SORL1: variants seen among roughly 807,000 people sequenced by gnomAD.
SORL1 encodes the protein sortilin related receptor 1.
In SORL1, 127 loss-of-function variants were observed where a neutral mutation model predicts 273.7. That is an observed-to-expected ratio of 0.46 (90% CI 0.40 to 0.54). SORL1 has a LOEUF of 0.54. Among genes scored for constraint, SORL1 ranks in the 20% least tolerant of loss-of-function variants. The pLI, the probability that SORL1 is intolerant of heterozygous loss-of-function variation, is 0.00. For synonymous variants in SORL1, 1,031 were observed against 1,067.4 expected (o/e 0.97, Z 0.66); for missense variants, 2,494 against 2,846.1 (o/e 0.88, Z 2.81).
intron 23 of SORL1, 58 bp from the exon 24 acceptor site, chr11:121,574,183 A>G: frequency 6.4e-7 from 1 of 1,562,976 alleles, no homozygotes; most frequent in Non-Finnish European, 8.8e-7. Context: ...TAGGATGTTT[A>G]CATTTGTGGG....
Position 121,606,622 on chromosome 11 carries a change from A to G in SORL1, c.4949-223A>G, listed in dbSNP as rs184610298. On this transcript the variant is annotated intron_variant, in intron 35 of 47. Transcript: ENST00000260197. Reference sequence around the variant, plus strand: ...CCCTTATGAGCCACAAATTTACCACACACTCAACTGAGCCATGATGTGATG... The same window carrying G: ...CCCTTATGAGCCACAAATTTACCACGCACTCAACTGAGCCATGATGTGATG... Among the ~76,000 whole-genome samples, 543 of 152,270 alleles carry G rather than the reference A, an allele frequency of 3.6e-3. 2 individuals carry two copies. The highest frequency in any genetic ancestry group is 4.0e-3 in the Non-Finnish European group (272 of 68,026).
At position 121,545,344 on chromosome 11, in the gene SORL1, C is replaced by T. The variant is rs1403783913; in HGVS notation, c.1966C>T (p.Pro656Ser). ...GHKTVFKRRT[P>S]HATCFNGEDF... ...CAAGACTGTTTTCAAACGGCGGACCCCCCATGCCACATGCTTCAATGGAGA... is the reference window on the plus strand; with the variant it reads ...CAAGACTGTTTTCAAACGGCGGACCTCCCATGCCACATGCTTCAATGGAGA... The change falls in exon 14 of 48, where the codon CCC becomes TCC. Residue 656 changes from proline to serine, a missense_variant. Physicochemically the swap from Pro to Ser is moderately conservative, Grantham distance 74. Coordinates refer to ENST00000260197, the MANE Select transcript of SORL1 (RefSeq NM_003105.6). 2 of 1,614,066 alleles carry T rather than the reference C, an allele frequency of 1.2e-6. No individual in the cohort carries two copies. Among genetic ancestry groups the T allele is most frequent in the African/African-American group, 2.7e-5 (2 of 74,928 alleles).
At chr11:121,622,326 A>G in intron 45 of SORL1, 58 bp downstream of exon 45, 1 of 963,934 alleles carries the variant, frequency 1.0e-6, no homozygotes, top group South Asian at 1.3e-5. Flanking sequence ...GCTGTTTCAG[A>G]GATGAGCTTG....
chr11:121,633,271 A>G lies in SORL1; in HGVS notation c.*3708A>G, dbSNP rs1863899137. The G allele has an allele frequency of 6.6e-6, 1 of 152,206 alleles. No individual in the cohort carries two copies. The highest frequency in any genetic ancestry group is 6.5e-5 in the Admixed American group (1 of 15,274). The allele number at this position is 152,206 out of a possible 1,614,324, so 9.4% of individuals were successfully genotyped here. ...CCCACTAATTTTGAGCAGCCATATT[A>G]TGAATTAAATCGTCACAGCCAAGTA... On this transcript the variant is annotated 3_prime_UTR_variant, in exon 48 of 48. Transcript: ENST00000260197.
chr11:121,514,928 A>G (rs1861929719), intron 8 of SORL1, among the ~76,000 whole-genome samples: 5 of 152,172 alleles, frequency 3.3e-5, no homozygotes, highest in Admixed American at 3.3e-4. Context: ...AGATCCGTTC[A>G]GGGCCATTTA....
chr11:121,563,198 G>A lies in SORL1; in HGVS notation c.3049+3541G>A, dbSNP rs969536887. On this transcript the variant is annotated intron_variant, in intron 21 of 47. Coordinates refer to ENST00000260197, the MANE Select transcript of SORL1 (RefSeq NM_003105.6). The surrounding 1 kb of genome is among the most constrained non-coding windows in gnomAD (Gnocchi z 4.2). Reference sequence around the variant, plus strand: ...CTGTGGCCCGTTGACTTCAAAGCCTGAACTTCGATAAAACCACCCGGCTCT... The same window carrying A: ...CTGTGGCCCGTTGACTTCAAAGCCTAAACTTCGATAAAACCACCCGGCTCT... Among the ~76,000 whole-genome samples the A allele has an allele frequency of 6.6e-6, 1 of 152,188 alleles. No individual in the cohort carries two copies. Among genetic ancestry groups the A allele is most frequent in the East Asian group, 1.9e-4 (1 of 5,194 alleles).
intron 3 of SORL1, among the ~76,000 whole-genome samples, chr11:121,485,063 G>T (rs569073450): frequency 6.6e-6 from 1 of 152,298 alleles, no homozygotes; most frequent in Admixed American, 6.5e-5. Context: ...CCCCATGCTT[G>T]TTCTTAAGGG....
Position 121,586,316 on chromosome 11 carries a change from T to A in SORL1, c.3801T>A (p.Asp1267Glu), listed in dbSNP as rs372116149. ...DGLRDCSDGS[D>E]EQHCEPLCTH... ...TGCGTGATTGCTCTGATGGCTCCGA[T>A]GAACAGCACTGCGGTGAGTTCATTC... The change falls in exon 27 of 48, where the codon GAT (aspartate) becomes GAA (glutamate). Residue 1267 changes from aspartate to glutamate, a missense_variant. Physicochemically the swap from Asp to Glu is conservative, Grantham distance 45 (BLOSUM62 2). Coordinates refer to ENST00000260197, the MANE Select transcript of SORL1 (RefSeq NM_003105.6). 2 of 1,613,550 alleles carry A rather than the reference T, an allele frequency of 1.2e-6. No homozygotes were observed. The highest frequency in any genetic ancestry group is 8.5e-7 in the Non-Finnish European group (1 of 1,179,534).
At chr11:121,572,579 G>A (rs1862859913) in intron 23 of SORL1, among the ~76,000 whole-genome samples, 2 of 152,324 alleles carry the variant, frequency 1.3e-5, no homozygotes, top group African/African-American at 4.8e-5. Context: ...TCATCAAGGA[G>A]GTTGCGTGTG....
At chr11:121,462,351 A>G (rs1179832073) in intron 1 of SORL1, among the ~76,000 whole-genome samples, 1 of 152,004 alleles carries the variant, frequency 6.6e-6, no homozygotes, top group Non-Finnish European at 1.5e-5. Context: ...GTCTGGGTCC[A>G]TGTTCTCTGC....
chr11:121,599,158 T>C (rs575798920), intron 32 of SORL1, among the ~76,000 whole-genome samples: 1 of 152,376 alleles, frequency 6.6e-6, no homozygotes, highest in Non-Finnish European at 1.5e-5. Flanking sequence ...CCACTTGTTA[T>C]CTGGAACCCA....
At position 121,566,934 on chromosome 11, in the gene SORL1, C is replaced by G; in HGVS notation, c.3050-6C>G. 6.2e-7 allele frequency: 1 copy of G among 1,612,088 alleles called. No individual in the cohort carries two copies. The highest frequency in any genetic ancestry group is 1.1e-5 in the South Asian group (1 of 90,722). ...ACCTACCTGCTGCTGTTTGTCTTCC[C>G]TCCAGGAAGCAATGCCTGTGTGCCC... is the stretch of plus-strand genomic sequence containing the variant. On this transcript the variant is annotated splice_region_variant and splice_polypyrimidine_tract_variant and intron_variant, in intron 21 of 47. Coordinates refer to ENST00000260197, the MANE Select transcript of SORL1 (RefSeq NM_003105.6).
At chr11:121,567,260 A>C in intron 22 of SORL1, 147 bp downstream of exon 22, 153 of 700,626 alleles carry the variant, frequency 2.2e-4, no homozygotes, top group Middle Eastern at 7.8e-4. Flanking sequence ...CCAGATACTC[A>C]TAAGAATACT....
intron 1 of SORL1, among the ~76,000 whole-genome samples, chr11:121,465,963 G>C (rs574512991): frequency 6.6e-6 from 1 of 152,184 alleles, no homozygotes; most frequent in Non-Finnish European, 1.5e-5. Context: ...GTGATCTTTG[G>C]GGGGTGGGGT....
intron 30 of SORL1, chr11:121,590,502 C>G (rs943322697): frequency 2.8e-5 from 14 of 507,898 alleles, no homozygotes; most frequent in Non-Finnish European, 4.9e-5. Context: ...CCCAGACCTA[C>G]AGAGTCAGAA....
chr11:121,504,241 G>A (rs757452324), intron 6 of SORL1, among the ~76,000 whole-genome samples: 6 of 152,026 alleles, frequency 3.9e-5, no homozygotes, highest in South Asian at 2.1e-4. Context: ...GCGAAACCCC[G>A]TCTCTACTAA....
At chr11:121,600,096 C>T (rs1384190353) in intron 32 of SORL1, among the ~76,000 whole-genome samples, 1 of 152,170 alleles carries the variant, frequency 6.6e-6, no homozygotes, top group Non-Finnish European at 1.5e-5. Context: ...TATTTTCTGG[C>T]AAAACACTCA....
intron 6 of SORL1, among the ~76,000 whole-genome samples, chr11:121,510,794 T>A (rs1861866267): frequency 6.6e-6 from 1 of 152,152 alleles, no homozygotes; most frequent in Non-Finnish European, 1.5e-5. Context: ...GGTGGCACAG[T>A]ACATTTCTGA....
intron 21 of SORL1, among the ~76,000 whole-genome samples, chr11:121,560,602 A>C (rs1045122407): frequency 6.6e-6 from 1 of 152,154 alleles, no homozygotes; most frequent in Non-Finnish European, 1.5e-5. Flanking sequence ...CTTAACTGGA[A>C]TGTTGATATT....
Sources: gnomAD v4.1 joint callset for allele counts (sites outside exome capture counted in the v4.1 genomes callset) on GRCh38, gnomAD v4.1.1 for gene constraint, Gnocchi (gnomAD v3.1) non-coding constraint, MANE v1.5 for transcripts, NCBI Gene and HGNC (gene_info 2026-07-23, HGNC 2026-07-21) for gene names.